The following RASSF6 variants were observed in gnomAD, a reference collection of about 807,000 sequenced individuals.
RASSF6 encodes the protein Ras association domain family member 6.
In RASSF6, 52 loss-of-function variants were observed where a neutral mutation model predicts 44.0. The observed-to-expected ratio is 1.18, with a 90% CI of 0.95 to 1.49. The LOEUF (loss-of-function observed/expected upper bound fraction) is 1.49. RASSF6 is among the 40% of genes most tolerant of loss of function. RASSF6 has a pLI of 0.00. For synonymous variants in RASSF6, 162 were observed against 124.6 expected (o/e 1.30, Z -2.00); for missense variants, 464 against 393.3 (o/e 1.18, Z -1.52).
intron 2 of RASSF6, among the ~76,000 whole-genome samples, chr4:73,599,444 G>C (rs1190799913): frequency 3.9e-5 from 6 of 152,194 alleles, no homozygotes; most frequent in Non-Finnish European, 7.3e-5. Context: ...CAAGATCTGA[G>C]ACCAGATGTG....
At chr4:73,598,178 T>A (rs1375520544) in intron 3 of RASSF6, among the ~76,000 whole-genome samples, 1 of 152,222 alleles carries the variant, frequency 6.6e-6, no homozygotes, top group Non-Finnish European at 1.5e-5. Flanking sequence ...TATTTCAAAA[T>A]TTTTATTATT....
chr4:73,582,026 G>A (rs769002917), intron 7 of RASSF6, among the ~76,000 whole-genome samples, 158 bp from the exon 8 acceptor site: 1 of 151,946 alleles, frequency 6.6e-6, no homozygotes. Flanking sequence ...ATTTTTCAAG[G>A]GATAGTTACT....
chr4:73,620,268 TC>T lies in RASSF6; in HGVS notation c.-35+19del, dbSNP rs1231067720. 2 of 1,388,426 alleles carry T rather than the reference TC, an allele frequency of 1.4e-6. No individual in the cohort carries two copies. Among genetic ancestry groups the T allele is most frequent in the African/African-American group, 3.0e-5 (2 of 66,700 alleles). The allele number at this position is 1,388,426 out of a possible 1,614,324, so 86.0% of individuals were successfully genotyped here. On this transcript the variant is annotated intron_variant, in intron 1 of 10. Transcript: ENST00000307439. ...CAGGGAGTGGATTAGAAAGTTTTTT[TC>T]CCCATCCCCATTTTTTACCTGTTAT... is the stretch of plus-strand genomic sequence containing the variant.
intron 2 of RASSF6, among the ~76,000 whole-genome samples, chr4:73,604,884 CTT>C (rs35609056): frequency 9.4e-5 from 13 of 138,300 alleles, no homozygotes; most frequent in Admixed American, 2.2e-4. Context: ...CATTTTCTTT[CTT>C]TTTTTTTTTT....
intron 2 of RASSF6, among the ~76,000 whole-genome samples, chr4:73,600,441 C>T (rs1483464995): frequency 6.6e-6 from 1 of 151,396 alleles, no homozygotes; most frequent in Non-Finnish European, 1.5e-5. Flanking sequence ...ATTTCAATTG[C>T]TAAAATCCCT....
In RASSF6 at chr4:73,573,495, ATAAAT is replaced by A. The variant is rs1345859054; in HGVS notation, c.*2735_*2739del. 3.9e-5 allele frequency: 6 copies of A among 152,200 alleles called. No homozygotes were observed. Among genetic ancestry groups the A allele is most frequent in the Non-Finnish European group, 1.5e-5 (1 of 68,038 alleles). The allele number at this position is 152,200 out of a possible 1,614,324, so 9.4% of individuals were successfully genotyped here. Reference sequence around the variant, plus strand: ...AGGCTTTTTATTTCCTTTTGTCACAATAAATAACAATATAAAACATATCTTTGCAG... The same window carrying A: ...AGGCTTTTTATTTCCTTTTGTCACAAAACAATATAAAACATATCTTTGCAG... On this transcript the variant is annotated 3_prime_UTR_variant, in exon 11 of 11. Transcript: ENST00000307439.
chr4:73,598,766 G>C (rs1046216688), intron 2 of RASSF6, 48 bp from the exon 3 acceptor site: 1 of 814,778 alleles, frequency 1.2e-6, no homozygotes, highest in Non-Finnish European at 1.9e-6. Context: ...AGTTTTTAAC[G>C]TAAAAGGTGA....
Position 73,593,488 on chromosome 4 carries a change from T to G in RASSF6, c.250A>C (p.Thr84Pro). 6.2e-7 allele frequency: 1 copy of G among 1,613,636 alleles called. No individual in the cohort carries two copies. The highest frequency in any genetic ancestry group is 8.5e-7 in the Non-Finnish European group (1 of 1,179,862). ...IQDEKPFSSF[T>P]SMKSSDVFSS... ...AAGACGTCTGATGACTTCATACTAG[T>G]AAAAGAAGAGAATGGCTTCTCATCT... Residue 84 changes from threonine (T) to proline (P), a missense_variant, in exon 4 of 11, where the codon ACT becomes CCT. Coordinates refer to ENST00000307439, the MANE Select transcript of RASSF6 (RefSeq NM_177532.5).
At position 73,575,555 on chromosome 4, in the gene RASSF6, A is replaced by G. The variant is rs2149359972; in HGVS notation, c.*680T>C. 1 of 152,340 alleles carries G rather than the reference A, an allele frequency of 6.6e-6. No homozygotes were observed. Among genetic ancestry groups the G allele is most frequent in the Middle Eastern group, 3.4e-3 (1 of 294 alleles). 9.4% of individuals were successfully genotyped at this position (152,340 alleles called of 1,614,324 possible). The stretch of plus-strand genomic sequence containing the variant: ...AGAAAAAGTTCAATTAACTTAAAAA[A>G]GAGCTTAAGAAAAGCTTTGAACTGA... On this transcript the variant is annotated 3_prime_UTR_variant, in exon 11 of 11. Coordinates refer to ENST00000307439, the MANE Select transcript of RASSF6 (RefSeq NM_177532.5).
intron 1 of RASSF6, among the ~76,000 whole-genome samples, chr4:73,617,313 A>G (rs975754156): frequency 2.0e-5 from 3 of 152,240 alleles, no homozygotes; most frequent in South Asian, 2.1e-4. Flanking sequence ...AATGCCATGC[A>G]TTTTATTCTG....
At chr4:73,593,334 G>C (rs1724708187) in intron 4 of RASSF6, 117 bp downstream of exon 4, 2 of 1,037,144 alleles carry the variant, frequency 1.9e-6, no homozygotes, top group Non-Finnish European at 1.4e-6. Context: ...GAAATTAAAT[G>C]AGATTGTGTG....
intron 6 of RASSF6, among the ~76,000 whole-genome samples, chr4:73,583,274 C>T (rs2149368335): frequency 6.6e-6 from 1 of 152,226 alleles, no homozygotes; most frequent in East Asian, 1.9e-4. Context: ...TAAGACTAAT[C>T]TCTAAGAGCT....
At position 73,576,478 on chromosome 4, in the gene RASSF6, A is replaced by T. The variant is rs139486039; in HGVS notation, c.870T>A (p.Ser290=). The T allele has an allele frequency of 5.6e-4, 879 of 1,583,172 alleles. 2 individuals carry two copies. In the African/African-American group the frequency reaches 0.011, roughly 19 times the overall value. Residue 290 remains serine (S), a synonymous_variant, in exon 10 of 11, where the codon TCT becomes TCA. Transcript: ENST00000307439. ...ATCTTTGAAGAATGGATTCCAAGAG[A>T]GAAAAGTGAAAGTTAATGTACTGAG... is the stretch of plus-strand genomic sequence containing the variant. The part of the protein sequence containing the change: ...DVAQYINFHF[S]LLESILQRLN...
chr4:73,607,137 C>T (rs1243369581), intron 2 of RASSF6, among the ~76,000 whole-genome samples: 1 of 152,212 alleles, frequency 6.6e-6, no homozygotes, highest in Non-Finnish European at 1.5e-5. Context: ...CAGACATTCT[C>T]CACACTAAAT....
At position 73,575,672 on chromosome 4, in the gene RASSF6, AT is replaced by A. The variant is rs1353671005; in HGVS notation, c.*562del. 2.0e-5 allele frequency: 3 copies of A among 152,108 alleles called. No individual in the cohort carries two copies. Among genetic ancestry groups the A allele is most frequent in the African/African-American group, 7.2e-5 (3 of 41,412 alleles). 9.4% of individuals were successfully genotyped at this position (152,108 alleles called of 1,614,324 possible). On this transcript the variant is annotated 3_prime_UTR_variant, in exon 11 of 11. Coordinates refer to ENST00000307439, the MANE Select transcript of RASSF6 (RefSeq NM_177532.5). ...TTAGGATTTCTTAACAGAGTCCATA[AT>A]TTTTCCTTTCCAAAGGCCAGACAGC...
chr4:73,609,062 C>T (rs1419618914), intron 2 of RASSF6, among the ~76,000 whole-genome samples: 8 of 152,196 alleles, frequency 5.3e-5, no homozygotes, highest in Admixed American at 4.6e-4. Context: ...GGATTGTACA[C>T]GTGCCTTTTG....
At chr4:73,605,880 C>T (rs759124899) in intron 2 of RASSF6, among the ~76,000 whole-genome samples, 1 of 152,102 alleles carries the variant, frequency 6.6e-6, no homozygotes, top group Non-Finnish European at 1.5e-5. Context: ...TGATGATGAG[C>T]ATTTTTTCAT....
At position 73,574,443 on chromosome 4, in the gene RASSF6, C is replaced by T. The variant is rs1723090820; in HGVS notation, c.*1792G>A. The T allele has an allele frequency of 6.6e-6, 1 of 152,282 alleles. No homozygotes were observed. The highest frequency in any genetic ancestry group is 1.5e-5 in the Non-Finnish European group (1 of 68,122). The allele number at this position is 152,282 out of a possible 1,614,324, so 9.4% of individuals were successfully genotyped here. On this transcript the variant is annotated 3_prime_UTR_variant, in exon 11 of 11. Transcript: ENST00000307439. ...CTTGTCCAGTATCTGTGGTCCTGCT[C>T]TGGCCTGGGCAAGCCAGCAAACTTC... is the stretch of plus-strand genomic sequence containing the variant.
intron 1 of RASSF6, among the ~76,000 whole-genome samples, chr4:73,614,246 T>C (rs540993327): frequency 1.2e-4 from 18 of 152,336 alleles, no homozygotes; most frequent in African/African-American, 4.1e-4. Context: ...TTTTCCTGGA[T>C]TATTGCGTCA....
Sources: allele counts gnomAD v4.1 joint callset (sites outside exome capture counted in the v4.1 genomes callset), GRCh38; gene constraint gnomAD v4.1.1; transcripts MANE v1.5; gene names NCBI Gene and HGNC (gene_info 2026-07-23, HGNC 2026-07-21).